Variants in NOS1AP observed in about 807,000 individuals in gnomAD.
NOS1AP encodes carboxyl-terminal PDZ ligand of neuronal nitric oxide synthase protein.
NOS1AP carries 21 observed loss-of-function variants against 56.2 expected under a neutral mutation model. The ratio of observed to expected loss-of-function variants is 0.37; its 90% CI spans 0.26 to 0.54. The LOEUF (loss-of-function observed/expected upper bound fraction) is 0.54. Among genes scored for constraint, NOS1AP ranks in the 20% least tolerant of loss-of-function variants. The probability of loss-of-function intolerance (pLI) is 0.84; values close to 1 mark genes in which losing one functional copy is unlikely to be tolerated. For missense variants in NOS1AP, 522 were observed against 657.8 expected (o/e 0.79, Z 2.26); for synonymous variants, 270 against 274.6 (o/e 0.98, Z 0.17).
At chr1:162,085,432 G>C (rs1054658206) in intron 1 of NOS1AP, among the ~76,000 whole-genome samples, 1 of 152,070 alleles carries the variant, frequency 6.6e-6, no homozygotes, top group Non-Finnish European at 1.5e-5. Context: ...GAAAACATTG[G>C]AGCAGGCAAA....
rs188044828 is a variant in NOS1AP at position 162,134,522 on chromosome 1, G to A, written c.106-19883G>A. ...AAAAAAAAAGTAAAACCGTAGTGCT[G>A]TAAATGGGGGAGGAGAGGAAGGAGA... On this transcript the variant is annotated intron_variant, in intron 1 of 9. Coordinates refer to ENST00000361897, the MANE Select transcript of NOS1AP (RefSeq NM_014697.3). 1.8e-3 allele frequency among the ~76,000 whole-genome samples: 265 copies of A among 148,256 alleles called. 4 individuals carry two copies. Among genetic ancestry groups the A allele is most frequent in the South Asian group, 0.017 (81 of 4,644 alleles).
intron 2 of NOS1AP, among the ~76,000 whole-genome samples, chr1:162,267,585 C>T (rs894608305): frequency 7.0e-6 from 1 of 143,782 alleles, no homozygotes; most frequent in African/African-American, 2.6e-5. Flanking sequence ...GCAACATAGA[C>T]CCTGTCTCTA....
intron 1 of NOS1AP, among the ~76,000 whole-genome samples, chr1:162,085,793 C>T (rs911847310): frequency 4.6e-5 from 7 of 152,108 alleles, no homozygotes; most frequent in Admixed American, 6.5e-5. Flanking sequence ...GATACTGACA[C>T]GTGGAAAGAT....
At chr1:162,329,251 G>C (rs347299) in intron 4 of NOS1AP, among the ~76,000 whole-genome samples, 75,062 of 151,880 alleles carry the variant, frequency 0.49, 21,760 homozygotes, top group Middle Eastern at 0.65. Context: ...TTTAGGGCCA[G>C]CTGTGGTGGC....
chr1:162,357,164 C>G, intron 8 of NOS1AP, 28 bp downstream of exon 8: 1 of 1,597,672 alleles, frequency 6.3e-7, no homozygotes, highest in East Asian at 2.2e-5. Flanking sequence ...CCCTACTTCG[C>G]AGGCTCCACT....
chr1:162,122,982 A>G (rs1484753672), intron 1 of NOS1AP, among the ~76,000 whole-genome samples: 1 of 152,226 alleles, frequency 6.6e-6, no homozygotes, highest in East Asian at 1.9e-4. Context: ...TATTTCTGCA[A>G]TAATACTGCA....
intron 2 of NOS1AP, among the ~76,000 whole-genome samples, chr1:162,160,626 A>T (rs1650162835): frequency 2.6e-5 from 4 of 152,058 alleles, no homozygotes; most frequent in Admixed American, 2.6e-4. Flanking sequence ...TTTGTCCAGG[A>T]GTCACTTTAT....
At chr1:162,222,938 T>C (rs1427872959) in intron 2 of NOS1AP, among the ~76,000 whole-genome samples, 1 of 152,220 alleles carries the variant, frequency 6.6e-6, no homozygotes, top group Non-Finnish European at 1.5e-5. Flanking sequence ...AGTATTTACA[T>C]ACAGATCACA....
intron 1 of NOS1AP, among the ~76,000 whole-genome samples, chr1:162,085,382 T>G (rs986431285): frequency 1.1e-4 from 16 of 152,076 alleles, no homozygotes; most frequent in Admixed American, 4.6e-4. Flanking sequence ...ATAATTCTAA[T>G]CAAATCAAAT....
At chr1:162,265,385 C>A (rs4486429) in intron 2 of NOS1AP, among the ~76,000 whole-genome samples, 2 of 123,942 alleles carry the variant, frequency 1.6e-5, no homozygotes, top group South Asian at 6.1e-4. Context: ...CCCCTCCCCC[C>A]ACCCCACAAC....
At chr1:162,209,304 A>G (rs941369009) in intron 2 of NOS1AP, among the ~76,000 whole-genome samples, 1 of 152,224 alleles carries the variant, frequency 6.6e-6, no homozygotes, top group African/African-American at 2.4e-5. Context: ...GTACCAGGCA[A>G]CCAAAAGCCA....
intron 2 of NOS1AP, among the ~76,000 whole-genome samples, chr1:162,273,564 C>T (rs1243786762): frequency 6.6e-6 from 1 of 152,132 alleles, no homozygotes; most frequent in Admixed American, 6.5e-5. Context: ...CTGTGCTAAC[C>T]TTGGAGGCCT....
chr1:162,095,797 C>T (rs979621911), intron 1 of NOS1AP, among the ~76,000 whole-genome samples: 2 of 152,164 alleles, frequency 1.3e-5, no homozygotes, highest in South Asian at 4.1e-4. Context: ...TTGTCAGCTT[C>T]AGTTTTTTAA....
Position 162,142,127 on chromosome 1 carries a change from C to T in NOS1AP, c.106-12278C>T, listed in dbSNP as rs1311324992. ...AATCTAAGAAACAGATATTAACTCA[C>T]AACTCTGATAAGTGGAACCAGGTAT... On this transcript the variant is annotated intron_variant, in intron 1 of 9. Transcript: ENST00000361897. Among the ~76,000 whole-genome samples, 4 of 152,186 alleles carry T rather than the reference C, an allele frequency of 2.6e-5. No homozygotes were observed. The East Asian group carries it at 7.7e-4, about 29-fold the overall frequency.
At chr1:162,276,094 A>G (rs1654723515) in intron 2 of NOS1AP, among the ~76,000 whole-genome samples, 1 of 152,250 alleles carries the variant, frequency 6.6e-6, no homozygotes, top group Non-Finnish European at 1.5e-5. Flanking sequence ...CTCTCAGAAC[A>G]TAAAATATTT....
intron 2 of NOS1AP, among the ~76,000 whole-genome samples, chr1:162,245,002 C>T (rs1347324859): frequency 6.6e-6 from 1 of 152,108 alleles, no homozygotes; most frequent in East Asian, 1.9e-4. Flanking sequence ...CCATAGCTGC[C>T]TCCTCTTTTA....
At chr1:162,257,545 A>C (rs1654072097) in intron 2 of NOS1AP, among the ~76,000 whole-genome samples, 1 of 151,988 alleles carries the variant, frequency 6.6e-6, no homozygotes, top group Non-Finnish European at 1.5e-5. Flanking sequence ...GCTACTTGGG[A>C]GGCTGAGGCA....
intron 2 of NOS1AP, among the ~76,000 whole-genome samples, chr1:162,190,179 C>T (rs1344626623): frequency 6.6e-6 from 1 of 152,088 alleles, no homozygotes; most frequent in Non-Finnish European, 1.5e-5. Context: ...CCTCCCTGCC[C>T]CTCTCTGGCC....
At chr1:162,147,767 C>T (rs1265676935) in intron 1 of NOS1AP, among the ~76,000 whole-genome samples, 1 of 152,126 alleles carries the variant, frequency 6.6e-6, no homozygotes, top group East Asian at 1.9e-4. Flanking sequence ...TCTTGATTAC[C>T]TATACAGTTT....
Sources: allele counts gnomAD v4.1 joint callset (sites outside exome capture counted in the v4.1 genomes callset), GRCh38; gene constraint gnomAD v4.1.1; transcripts MANE v1.5; gene names NCBI Gene and HGNC (gene_info 2026-07-23, HGNC 2026-07-21).